Variants in CSAD observed in about 807,000 individuals in gnomAD.
CSAD encodes the protein P-selectin cytoplasmic tail-associated protein.
Under a neutral mutation model 61.5 loss-of-function variants are expected in CSAD, and 47 were observed. The ratio of observed to expected loss-of-function variants is 0.76; its 90% CI spans 0.60 to 0.97. CSAD has a LOEUF of 0.97. Ranked by LOEUF, CSAD falls within the 50% of genes least tolerant of loss-of-function variation. The pLI is 0.00. For missense variants in CSAD, 611 were observed against 643.6 expected (o/e 0.95, Z 0.55); for synonymous variants, 245 against 252.7 (o/e 0.97, Z 0.29).
intron 10 of CSAD, among the ~76,000 whole-genome samples, chr12:53,169,182 A>G (rs1329023465): frequency 6.6e-6 from 1 of 151,564 alleles, no homozygotes; most frequent in African/African-American, 2.4e-5. Context: ...TCTGTCTCAA[A>G]AAAGAAAAAA....
At chr12:53,180,269 C>T (rs1354190045) in intron 1 of CSAD, 2 of 985,310 alleles carry the variant, frequency 2.0e-6, no homozygotes, top group African/African-American at 3.5e-5. Context: ...AGAACCACCT[C>T]GGCCGAGTTA....
chr12:53,158,467 C>T lies in CSAD; in HGVS notation c.*44G>A, dbSNP rs200612031. 43 of 1,583,290 alleles carry T rather than the reference C, an allele frequency of 2.7e-5. No homozygotes were observed. Among genetic ancestry groups the T allele is most frequent in the South Asian group, 2.0e-4 (18 of 88,562 alleles). ...GCTGGGAGGGAATGCAGTGACTCTG[C>T]GGGTGAGGGGTGGTATCAAGGCCGG... On this transcript the variant is annotated 3_prime_UTR_variant, in exon 17 of 17. Transcript: ENST00000444623.
At chr12:53,163,586 GA>G (rs1939560467) in intron 10 of CSAD, among the ~76,000 whole-genome samples, 1 of 151,958 alleles carries the variant, frequency 6.6e-6, no homozygotes, top group South Asian at 2.1e-4. Context: ...CACCAAAAAA[GA>G]ATAAAATACT....
intron 9 of CSAD, 60 bp downstream of exon 9, chr12:53,170,363 C>A (rs140047426): frequency 2.1e-6 from 3 of 1,462,600 alleles, no homozygotes; most frequent in South Asian, 1.1e-5. Context: ...AGCTTTCTGG[C>A]GGCAGGAAGT....
At chr12:53,181,032 C>T (rs1941589844), upstream of CSAD, 2 of 865,636 alleles carry the variant, frequency 2.3e-6, no homozygotes, top group Non-Finnish European at 2.9e-6. Context: ...CGTCCCGCCG[C>T]GTCCCCGGCC....
chr12:53,174,012 C>T (rs1402851528), intron 2 of CSAD: 3 of 509,284 alleles, frequency 5.9e-6, no homozygotes, highest in South Asian at 2.0e-5. Context: ...TCATGTAAAA[C>T]GGGTCATACA....
intron 2 of CSAD, among the ~76,000 whole-genome samples, chr12:53,175,179 G>A (rs548307867): frequency 3.3e-5 from 5 of 152,296 alleles, no homozygotes; most frequent in South Asian, 2.1e-4. Context: ...GGTCACCATG[G>A]AAAGGCAGGA....
intron 1 of CSAD, chr12:53,179,611 A>G (rs1277431835): frequency 1.6e-6 from 1 of 627,224 alleles, no homozygotes; most frequent in Non-Finnish European, 2.8e-6. Flanking sequence ...CTAAAACACA[A>G]AAAACGTACT....
At position 53,180,757 on chromosome 12, in the gene CSAD, G is replaced by A; in HGVS notation, c.-116C>T. On this transcript the variant is annotated 5_prime_UTR_variant, in exon 1 of 17. Transcript: ENST00000444623. ...CTCGGTCCCGGTGGGGGCAGCCGCG[G>A]CGGTGGGGTTGGCAGGGTGTGCTGG... 1.6e-6 allele frequency: 2 copies of A among 1,268,194 alleles called. No individual in the cohort carries two copies. The highest frequency in any genetic ancestry group is 2.0e-6 in the Non-Finnish European group (2 of 979,184). 78.6% of individuals were successfully genotyped at this position (1,268,194 alleles called of 1,614,324 possible).
At chr12:53,161,900 C>T (rs1202378583) in intron 10 of CSAD, among the ~76,000 whole-genome samples, 11 of 152,034 alleles carry the variant, frequency 7.2e-5, no homozygotes, top group African/African-American at 2.4e-4. Context: ...TTTGAGGTTA[C>T]AATGAGCTAT....
Position 53,160,240 on chromosome 12 carries a change from G to A in CSAD, c.1046C>T (p.Thr349Met), listed in dbSNP as rs530642510. ...QDKFYDVALDTGDKVVQCGRR... is the reference protein window; with the variant it reads ...QDKFYDVALDMGDKVVQCGRR... The stretch of plus-strand genomic sequence containing the variant: ...GCCACACTGCACCACCTTGTCTCCC[G>A]TGTCCAGAGCCACATCGTAGAACTT... Residue 349 changes from threonine to methionine, a missense_variant, in exon 14 of 17, where the codon ACG becomes ATG. Coordinates refer to ENST00000444623, the MANE Select transcript of CSAD (RefSeq NM_001244705.2). 204 of 1,614,202 alleles carry A rather than the reference G, an allele frequency of 1.3e-4. 2 individuals are homozygous for A. The highest frequency in any genetic ancestry group is 6.0e-4 in the South Asian group (55 of 91,090).
At chr12:53,176,122 C>T (rs1227299500) in intron 2 of CSAD, among the ~76,000 whole-genome samples, 6 of 151,864 alleles carry the variant, frequency 4.0e-5, no homozygotes, top group East Asian at 1.9e-4. Context: ...GGGTGAGGGG[C>T]GGGCACAGTG....
chr12:53,171,562 C>T lies in CSAD; in HGVS notation c.452-121G>A. 3.3e-6 allele frequency: 3 copies of T among 913,740 alleles called. No homozygotes were observed. The East Asian group carries it at 7.8e-5, about 24-fold the overall frequency. 56.6% of individuals were successfully genotyped at this position (913,740 alleles called of 1,614,324 possible). ...AAGCAGGTATGACTGGCTCCCAGGC[C>T]ACAATTCTCAGGATCATACCATCCC... On this transcript the variant is annotated intron_variant, in intron 7 of 16. Transcript: ENST00000444623.
chr12:53,170,718 G>C, intron 8 of CSAD: 1 of 505,900 alleles, frequency 2.0e-6, no homozygotes, highest in East Asian at 3.6e-5. Context: ...TTCTGCATTT[G>C]TTTGTTTTTT....
At chr12:53,179,532 A>C in intron 1 of CSAD, 2 of 494,000 alleles carry the variant, frequency 4.0e-6, no homozygotes, top group Non-Finnish European at 7.1e-6. Flanking sequence ...AAAAGATTTA[A>C]AAGACTTATT....
intron 2 of CSAD, chr12:53,178,014 A>C (rs1941236565): frequency 1.1e-5 from 2 of 177,516 alleles, no homozygotes; most frequent in South Asian, 2.1e-4. Context: ...GAAAATTAAA[A>C]CAAATACTAT....
chr12:53,180,532 C>T (rs1431674295), intron 1 of CSAD, 200 bp downstream of exon 1: 48 of 1,277,272 alleles, frequency 3.8e-5, no homozygotes, highest in Non-Finnish European at 4.9e-5. Flanking sequence ...GCGCTCCCTC[C>T]TCCATGCCCT....
chr12:53,164,695 C>T (rs1269013926), intron 10 of CSAD: 3 of 152,118 alleles, frequency 2.0e-5, no homozygotes, highest in Non-Finnish European at 4.4e-5. Flanking sequence ...ACCCTTATAA[C>T]AAACCTGCAC....
At position 53,171,898 on chromosome 12, in the gene CSAD, G is replaced by C. The variant is rs774792806; in HGVS notation, c.435C>G (p.Asp145Glu). 1 of 1,612,850 alleles carries C rather than the reference G, an allele frequency of 6.2e-7. No homozygotes were observed. Among genetic ancestry groups the C allele is most frequent in the Non-Finnish European group, 8.5e-7 (1 of 1,178,958 alleles). Residue 145 changes from aspartate to glutamate, a missense_variant, in exon 7 of 17, where the codon GAC becomes GAG. Coordinates refer to ENST00000444623, the MANE Select transcript of CSAD (RefSeq NM_001244705.2). The part of the protein sequence containing the change: ...LRALVGWSSG[D>E]GIFCPGGSIS... ...CTCACAAACCAGGGCAGAAGATTCCGTCCCCAGAGCTCCAGCCCACCAGGG... is the reference window on the plus strand; with the variant it reads ...CTCACAAACCAGGGCAGAAGATTCCCTCCCCAGAGCTCCAGCCCACCAGGG...
Sources: allele counts gnomAD v4.1 joint callset (sites outside exome capture counted in the v4.1 genomes callset), GRCh38; gene constraint gnomAD v4.1.1; transcripts MANE v1.5; gene names NCBI Gene and HGNC (gene_info 2026-07-23, HGNC 2026-07-21).